The following UGT1A7 variants were observed in gnomAD, a reference collection of about 807,000 sequenced individuals.
The protein encoded by UGT1A7 is UDP-glucuronosyltransferase 1A7.
In UGT1A7, 33 loss-of-function variants were observed where a neutral mutation model predicts 45.6. The ratio of observed to expected loss-of-function variants is 0.72; its 90% confidence interval spans 0.55 to 0.97. The LOEUF is 0.97. Ranked by LOEUF, UGT1A7 falls within the 50% of genes least tolerant of loss-of-function variation. The pLI, the probability that UGT1A7 is intolerant of heterozygous loss-of-function variation, is 0.00. For missense variants in UGT1A7, 684 were observed against 666.2 expected, an observed-to-expected ratio of 1.03 and a Z score of -0.29; for synonymous variants, 274 against 250.6, an observed-to-expected ratio of 1.09 and a Z score of -0.88.
At chr2:233,741,320 T>C (rs968198595) in intron 1 of UGT1A7, among the ~76,000 whole-genome samples, 12 of 151,906 alleles carry the variant, frequency 7.9e-5, no homozygotes, top group African/African-American at 2.9e-4. Flanking sequence ...CAACTCATTC[T>C]ACTCTACCCA....
rs1407521990 is a variant in UGT1A7 at position 233,743,186 on chromosome 2, A to T, written c.856-23848A>T. On this transcript the variant is annotated intron_variant, in intron 1 of 4. Coordinates refer to ENST00000373426, the MANE Select transcript of UGT1A7 (RefSeq NM_019077.3). ...GTGCTTAAAGTCAAATGTGGACTGG[A>T]ATTACTTGGTGTCAATGCGGAGTAA... 4.3e-5 allele frequency: 16 copies of T among 372,810 alleles called. No individual in the cohort carries two copies. The East Asian group carries it at 1.2e-3, about 27-fold the overall frequency. The allele number at this position is 372,810 out of a possible 1,614,324, so 23.1% of individuals were successfully genotyped here.
intron 1 of UGT1A7, among the ~76,000 whole-genome samples, chr2:233,709,844 C>T (rs971169225): frequency 2.0e-5 from 3 of 152,212 alleles, no homozygotes; most frequent in African/African-American, 7.2e-5. Context: ...GCCATCACCA[C>T]ATTCAAGACA....
chr2:233,735,219 T>G (rs1349774730), intron 1 of UGT1A7, among the ~76,000 whole-genome samples: 1 of 152,194 alleles, frequency 6.6e-6, no homozygotes, highest in Admixed American at 6.5e-5. Flanking sequence ...GCATATATAT[T>G]TAGGATAGTT....
At chr2:233,684,306 G>A (rs371001032) in intron 1 of UGT1A7, among the ~76,000 whole-genome samples, 7 of 152,274 alleles carry the variant, frequency 4.6e-5, no homozygotes, top group South Asian at 2.1e-4. Flanking sequence ...AAGACCAGGC[G>A]AGGAGATGCA....
At chr2:233,729,541 A>G (rs750509875) in intron 1 of UGT1A7, 1 of 1,614,224 alleles carries the variant, frequency 6.2e-7, no homozygotes, top group South Asian at 1.1e-5. Context: ...GGCCCTGATC[A>G]GGCACCTGAA....
intron 1 of UGT1A7, among the ~76,000 whole-genome samples, chr2:233,727,078 A>G (rs1212092454): frequency 6.6e-6 from 1 of 152,188 alleles, no homozygotes; most frequent in Non-Finnish European, 1.5e-5. Flanking sequence ...TTCTCTTACA[A>G]ACATTAAAGA....
rs138181984 is a variant in UGT1A7, at chr2:233,711,092, G to T, written c.855+28300G>T. On this transcript the variant is annotated intron_variant, in intron 1 of 4. Coordinates refer to ENST00000373426, the MANE Select transcript of UGT1A7 (RefSeq NM_019077.3). Reference sequence around the variant, plus strand: ...TATGCTGATGGCTCCAAGTCTATCTGTGCAGCCCAGACCCCTCCTCATCTC... The same window carrying T: ...TATGCTGATGGCTCCAAGTCTATCTTTGCAGCCCAGACCCCTCCTCATCTC... 8.3e-3 allele frequency among the ~76,000 whole-genome samples: 1,267 copies of T among 152,246 alleles called. 13 individuals carry two copies. The highest frequency in any genetic ancestry group is 0.028 in the African/African-American group (1,149 of 41,524).
chr2:233,739,303 T>C (rs1302009262), intron 1 of UGT1A7, among the ~76,000 whole-genome samples: 34 of 152,248 alleles, frequency 2.2e-4, no homozygotes, highest in Non-Finnish European at 1.2e-4. Context: ...GGGCACTGCC[T>C]AGTGGAGTTG....
At chr2:233,687,202 G>A (rs1048780316) in intron 1 of UGT1A7, among the ~76,000 whole-genome samples, 8 of 152,298 alleles carry the variant, frequency 5.3e-5, no homozygotes, top group African/African-American at 1.9e-4. Flanking sequence ...AATTGGGTGG[G>A]TGATATGCAT....
At chr2:233,693,009 C>T in intron 1 of UGT1A7, 2 of 1,614,130 alleles carry the variant, frequency 1.2e-6, no homozygotes, top group Non-Finnish European at 1.7e-6. Flanking sequence ...TCCAGGATGG[C>T]CTGCCTCCTT....
intron 1 of UGT1A7, chr2:233,693,647 A>C: frequency 6.2e-7 from 1 of 1,614,186 alleles, no homozygotes. Context: ...CTTCCTTGTT[A>C]ATTTGTTGGA....
intron 1 of UGT1A7, among the ~76,000 whole-genome samples, chr2:233,730,263 G>C (rs45449797): frequency 1.3e-5 from 2 of 152,070 alleles, no homozygotes; most frequent in South Asian, 2.1e-4. Context: ...AGAGACTGTT[G>C]GTTTGTAAAG....
chr2:233,769,637 G>A lies in UGT1A7; in HGVS notation c.1295+1198G>A. The A allele has an allele frequency of 6.2e-7, 1 of 1,610,100 alleles. No individual in the cohort carries two copies. Among genetic ancestry groups the A allele is most frequent in the Non-Finnish European group, 8.5e-7 (1 of 1,178,598 alleles). On this transcript the variant is annotated intron_variant, in intron 4 of 4. Transcript: ENST00000373426. This position sits in a 1 kb window ranked among gnomAD's most constrained non-coding sequence, Gnocchi z 4.4. ...GCTTGAGCAAGGGACAACAGGGGAG[G>A]ACTGATGACTGACTTCCCACCTTTG... is the stretch of plus-strand genomic sequence containing the variant.
Position 233,681,932 on chromosome 2 carries a change from T to A in UGT1A7, c.-6T>A. ...CCAGCTGCTGGCTCTGGGCTGAAGTTCTCTGATGGCTCGTGCAGGGTGGAC... is the reference window on the plus strand; with the variant it reads ...CCAGCTGCTGGCTCTGGGCTGAAGTACTCTGATGGCTCGTGCAGGGTGGAC... On this transcript the variant is annotated 5_prime_UTR_variant, in exon 1 of 5. Transcript: ENST00000373426. 6.2e-7 allele frequency: 1 copy of A among 1,611,200 alleles called. No individual in the cohort carries two copies. The highest frequency in any genetic ancestry group is 1.1e-5 in the South Asian group (1 of 90,734).
intron 1 of UGT1A7, chr2:233,747,444 A>G: frequency 6.2e-7 from 1 of 1,609,016 alleles, no homozygotes; most frequent in East Asian, 2.2e-5. Flanking sequence ...TTTCACCCTG[A>G]CAACCTATGC....
rs2074950083 is a variant in UGT1A7 at position 233,689,569 on chromosome 2, T to C, written c.855+6777T>C. ...GTCATAGGTGAATTCAGAGATTTTC[T>C]GATTTGCAATTAGCTAAGGAAGAGA... On this transcript the variant is annotated intron_variant, in intron 1 of 4. Coordinates refer to ENST00000373426, the MANE Select transcript of UGT1A7 (RefSeq NM_019077.3). Among the ~76,000 whole-genome samples the C allele has an allele frequency of 5.3e-5, 8 of 152,370 alleles. 1 individual carries two copies. In the South Asian group the frequency reaches 1.7e-3, roughly 32 times the overall value.
intron 1 of UGT1A7, among the ~76,000 whole-genome samples, chr2:233,726,597 T>C (rs1191602652): frequency 6.6e-6 from 1 of 152,194 alleles, no homozygotes; most frequent in Non-Finnish European, 1.5e-5. Flanking sequence ...AGAGCCCTTG[T>C]GATTACACTG....
chr2:233,769,689 T>C lies in UGT1A7; in HGVS notation c.1295+1250T>C. On this transcript the variant is annotated intron_variant, in intron 4 of 4. Transcript: ENST00000373426. This position sits in a 1 kb window ranked among gnomAD's most constrained non-coding sequence, Gnocchi z 4.4. ...GGTGCTAATGTGTGTGTGGTGGCAC[T>C]GGATAAAAGATCAATGTTGGCTAGG... 6.5e-7 allele frequency: 1 copy of C among 1,550,140 alleles called. No homozygotes were observed. Among genetic ancestry groups the C allele is most frequent in the Non-Finnish European group, 8.7e-7 (1 of 1,147,494 alleles).
Position 233,761,147 on chromosome 2 carries a change from C to A in UGT1A7, c.856-5887C>A. 1.9e-6 allele frequency: 3 copies of A among 1,614,204 alleles called. No individual in the cohort carries two copies. In the South Asian group the frequency reaches 3.3e-5, roughly 18 times the overall value. ...AACTGCCTTCACCAAAATCCACTATCCCAGGTGTGTATTGGAGTGGGACTT... is the reference window on the plus strand; with the variant it reads ...AACTGCCTTCACCAAAATCCACTATACCAGGTGTGTATTGGAGTGGGACTT... On this transcript the variant is annotated intron_variant, in intron 1 of 4. Transcript: ENST00000373426.
Sources: allele counts gnomAD v4.1 joint callset (sites outside exome capture counted in the v4.1 genomes callset), GRCh38; gene constraint gnomAD v4.1.1; non-coding constraint Gnocchi (gnomAD v3.1); transcripts MANE v1.5; gene names NCBI Gene and HGNC (gene_info 2026-07-23, HGNC 2026-07-21).